RABGAP1L: variants seen among roughly 807,000 people sequenced by gnomAD.
RABGAP1L encodes rab GTPase-activating protein 1-like.
In RABGAP1L, 63 loss-of-function variants were observed where a neutral mutation model predicts 137.7. That is an observed-to-expected ratio of 0.46 (90% confidence interval 0.37 to 0.56). RABGAP1L has a LOEUF of 0.56. RABGAP1L is among the 20% of genes least tolerant of loss of function. The pLI, the probability that RABGAP1L is intolerant of heterozygous loss-of-function variation, is 0.00. For synonymous variants in RABGAP1L, 431 were observed against 433.7 expected (o/e 0.99, Z 0.08); for missense variants, 1,095 against 1,244.0 (o/e 0.88, Z 1.80).
intron 19 of RABGAP1L, among the ~76,000 whole-genome samples, chr1:174,908,704 G>A (rs1486705211): frequency 4.0e-5 from 6 of 150,768 alleles, no homozygotes; most frequent in South Asian, 4.2e-4. Flanking sequence ...CACTACACCC[G>A]GCTAATTTTT....
At chr1:174,301,201 T>C (rs1677670720) in intron 10 of RABGAP1L, among the ~76,000 whole-genome samples, 1 of 151,782 alleles carries the variant, frequency 6.6e-6, no homozygotes, top group Admixed American at 6.6e-5. Flanking sequence ...GCAGTGCTTG[T>C]TGCTGGACTA....
At chr1:174,644,180 A>T (rs1266998029) in intron 14 of RABGAP1L, among the ~76,000 whole-genome samples, 1 of 152,060 alleles carries the variant, frequency 6.6e-6, no homozygotes, top group Non-Finnish European at 1.5e-5. Flanking sequence ...TGAGACTGTG[A>T]AAGGTCAGGG....
At chr1:174,446,632 A>T (rs1465928953) in intron 13 of RABGAP1L, among the ~76,000 whole-genome samples, 1 of 152,212 alleles carries the variant, frequency 6.6e-6, no homozygotes, top group Non-Finnish European at 1.5e-5. Context: ...GTTCATCTTG[A>T]TACTTTAGAG....
Position 174,160,368 on chromosome 1 carries a change from A to G in RABGAP1L, c.-34+711A>G, listed in dbSNP as rs527878178. 3.9e-5 allele frequency among the ~76,000 whole-genome samples: 6 copies of G among 152,308 alleles called. No homozygotes were observed. In the East Asian group the frequency reaches 9.6e-4, roughly 24 times the overall value. ...GTACTTTGCACTGGTCGCCAACGGTACAGGGCTGGGCAGTGCGTCAGCATG... is the reference window on the plus strand; with the variant it reads ...GTACTTTGCACTGGTCGCCAACGGTGCAGGGCTGGGCAGTGCGTCAGCATG... On this transcript the variant is annotated intron_variant, in intron 1 of 25. Coordinates refer to ENST00000681986, the MANE Select transcript of RABGAP1L (RefSeq NM_001366446.1).
chr1:174,183,435 G>A (rs920549046), intron 1 of RABGAP1L, among the ~76,000 whole-genome samples: 2 of 152,020 alleles, frequency 1.3e-5, no homozygotes, highest in African/African-American at 4.8e-5. Context: ...GCTGTAACCG[G>A]CCTAAAGATA....
chr1:174,603,334 G>T (rs1670552880), intron 13 of RABGAP1L, among the ~76,000 whole-genome samples: 2 of 152,130 alleles, frequency 1.3e-5, no homozygotes, highest in African/African-American at 4.8e-5. Context: ...ATCCTGAGCT[G>T]CCTGGTATTG....
intron 19 of RABGAP1L, among the ~76,000 whole-genome samples, chr1:174,860,260 C>T (rs1650062541): frequency 6.6e-6 from 1 of 151,934 alleles, no homozygotes; most frequent in Non-Finnish European, 1.5e-5. Context: ...ACTCGCAACA[C>T]AATATTAAAA....
At chr1:174,239,195 A>G (rs1047569899) in intron 4 of RABGAP1L, among the ~76,000 whole-genome samples, 2 of 152,030 alleles carry the variant, frequency 1.3e-5, no homozygotes, top group African/African-American at 4.8e-5. Flanking sequence ...TGAACCCGGT[A>G]CCTCAGATGG....
chr1:174,214,388 A>G (rs1439451659), intron 1 of RABGAP1L, among the ~76,000 whole-genome samples: 4 of 152,188 alleles, frequency 2.6e-5, no homozygotes, highest in Non-Finnish European at 4.4e-5. Context: ...AGGAACCAAT[A>G]TTGTTAAAAT....
chr1:174,368,905 C>T (rs1381356948), intron 11 of RABGAP1L, among the ~76,000 whole-genome samples: 5 of 152,072 alleles, frequency 3.3e-5, no homozygotes, highest in Non-Finnish European at 7.4e-5. Context: ...TTATTATAAT[C>T]AAGATTTATA....
chr1:174,686,024 G>C (rs1678433420), intron 15 of RABGAP1L, among the ~76,000 whole-genome samples: 1 of 152,168 alleles, frequency 6.6e-6, no homozygotes, highest in Non-Finnish European at 1.5e-5. Context: ...AATGAATAGA[G>C]TAAGAAGATT....
intron 19 of RABGAP1L, among the ~76,000 whole-genome samples, chr1:174,892,042 A>T (rs1656234404): frequency 6.6e-6 from 1 of 152,246 alleles, no homozygotes; most frequent in African/African-American, 2.4e-5. Flanking sequence ...AAAGTGGGCC[A>T]CAGTCCGGGT....
At position 174,915,763 on chromosome 1, in the gene RABGAP1L, T is replaced by C. The variant is rs115404781; in HGVS notation, c.2341-41694T>C. On this transcript the variant is annotated intron_variant, in intron 19 of 25. Coordinates refer to ENST00000681986, the MANE Select transcript of RABGAP1L (RefSeq NM_001366446.1). Reference sequence around the variant, plus strand: ...AGCCACCACTCCCAGCCTTTGCCCATTTTTAAATTGGGTTATTTGTCTTCC... The same window carrying C: ...AGCCACCACTCCCAGCCTTTGCCCACTTTTAAATTGGGTTATTTGTCTTCC... Among the ~76,000 whole-genome samples, 1,368 of 152,300 alleles carry C rather than the reference T, an allele frequency of 9.0e-3. 25 individuals are homozygous for C. The highest frequency in any genetic ancestry group is 0.032 in the African/African-American group (1,320 of 41,566).
Position 174,896,536 on chromosome 1 carries a change from T to A in RABGAP1L, c.2341-60921T>A, listed in dbSNP as rs1657210798. Among the ~76,000 whole-genome samples the A allele has an allele frequency of 3.3e-5, 5 of 152,206 alleles. No homozygotes were observed. The South Asian group carries it at 8.3e-4, about 25-fold the overall frequency. On this transcript the variant is annotated intron_variant, in intron 19 of 25. Coordinates refer to ENST00000681986, the MANE Select transcript of RABGAP1L (RefSeq NM_001366446.1). ...GCCCATGCCTATGTCCTGAATGGTA[T>A]TGCCTAGGTTTTCTTCTAGGGTTTT...
At chr1:174,287,019 G>C (rs960739436) in intron 10 of RABGAP1L, among the ~76,000 whole-genome samples, 11 of 151,994 alleles carry the variant, frequency 7.2e-5, no homozygotes, top group South Asian at 2.1e-4. Context: ...CTGTTGGATA[G>C]GATGTTCTTT....
chr1:174,553,042 A>G (rs1437555056), intron 13 of RABGAP1L, among the ~76,000 whole-genome samples: 1 of 151,944 alleles, frequency 6.6e-6, no homozygotes, highest in Non-Finnish European at 1.5e-5. Context: ...CTGGGAAGTA[A>G]CTGTTCATGT....
intron 19 of RABGAP1L, among the ~76,000 whole-genome samples, chr1:174,812,668 C>CA (rs1689988560): frequency 6.6e-6 from 1 of 151,730 alleles, no homozygotes; most frequent in African/African-American, 2.4e-5. Context: ...CAGAAGGAAA[C>CA]AGACAATAAG....
At chr1:174,867,320 G>A (rs1231927495) in intron 19 of RABGAP1L, among the ~76,000 whole-genome samples, 2 of 151,844 alleles carry the variant, frequency 1.3e-5, no homozygotes, top group Non-Finnish European at 2.9e-5. Context: ...GGTGGAGGTT[G>A]CAGTGGGCCG....
rs565072850 is a variant in RABGAP1L at position 174,376,672 on chromosome 1, A to C, written c.1559+5600A>C. Among the ~76,000 whole-genome samples the C allele has an allele frequency of 5.9e-5, 9 of 152,230 alleles. No individual in the cohort carries two copies. The East Asian group carries it at 1.5e-3, about 26-fold the overall frequency. On this transcript the variant is annotated intron_variant, in intron 12 of 25. Transcript: ENST00000681986. Reference sequence around the variant, plus strand: ...TCTTGATTTAAAAAAACCAAAAAACAAAAAAACCTCTGAGCAAGCTAGGAA... The same window carrying C: ...TCTTGATTTAAAAAAACCAAAAAACCAAAAAACCTCTGAGCAAGCTAGGAA...
Sources: gnomAD v4.1 joint callset for allele counts (sites outside exome capture counted in the v4.1 genomes callset) on GRCh38, gnomAD v4.1.1 for gene constraint, MANE v1.5 for transcripts, NCBI Gene and HGNC (gene_info 2026-07-23, HGNC 2026-07-21) for gene names.